Variants in NCDN observed in about 807,000 individuals in gnomAD.
NCDN encodes neurochondrin.
NCDN carries 9 observed loss-of-function variants against 60.7 expected under a neutral mutation model. That is an observed-to-expected ratio of 0.15 (90% CI 0.09 to 0.26). The LOEUF is 0.26. Among genes scored for constraint, NCDN ranks in the 10% least tolerant of loss-of-function variants. NCDN has a pLI of 1.00. For synonymous variants in NCDN, 409 were observed against 442.5 expected (o/e 0.92, Z 0.95); for missense variants, 578 against 975.2 (o/e 0.59, Z 5.42).
At position 35,562,269 on chromosome 1, in the gene NCDN, G is replaced by A; in HGVS notation, c.1144-123G>A. 7.1e-7 allele frequency: 1 copy of A among 1,403,214 alleles called. No homozygotes were observed. Among genetic ancestry groups the A allele is most frequent in the African/African-American group, 1.4e-5 (1 of 69,726 alleles). The allele number at this position is 1,403,214 out of a possible 1,614,324, so 86.9% of individuals were successfully genotyped here. A position where few individuals can be genotyped will look rare whatever the true frequency, so the allele number is the denominator to read the frequency against. ...TGGGACAGAATAAAGGTTGGGGCCT[G>A]CCTTTGAAAGGCTCACAGGCCAGAA... On this transcript the variant is annotated intron_variant, in intron 3 of 6. Transcript: ENST00000373243. This position sits in a 1 kb window ranked among gnomAD's most constrained non-coding sequence, Gnocchi z 6.8.
Position 35,559,211 on chromosome 1 carries a change from C to T in NCDN, c.138C>T (p.Ala46=). The change falls in exon 2 of 7, where the codon GCC becomes GCT. Residue 46 remains alanine, a synonymous_variant. Transcript: ENST00000373243. ...LERYLGALRE[A]KNDSEQFAAL... ...GCTACCTGGGAGCCCTCCGTGAGGCCAAGAATGACAGCGAGCAGTTTGCAG... is the reference window on the plus strand; with the variant it reads ...GCTACCTGGGAGCCCTCCGTGAGGCTAAGAATGACAGCGAGCAGTTTGCAG... 6.2e-7 allele frequency: 1 copy of T among 1,614,074 alleles called. No individual in the cohort carries two copies.
Position 35,558,996 on chromosome 1 carries a change from C to T in NCDN, c.34-111C>T, listed in dbSNP as rs1648560944. The T allele has an allele frequency of 9.4e-7, 1 of 1,061,824 alleles. No homozygotes were observed. Among genetic ancestry groups the T allele is most frequent in the South Asian group, 1.5e-5 (1 of 66,670 alleles). 65.8% of individuals were successfully genotyped at this position (1,061,824 alleles called of 1,614,324 possible). On this transcript the variant is annotated intron_variant, in intron 1 of 6. Coordinates refer to ENST00000373243, the MANE Select transcript of NCDN (RefSeq NM_014284.3). This position sits in a 1 kb window ranked among gnomAD's most constrained non-coding sequence, Gnocchi z 6.3. ...AGGAGTCCACCCCTCCAGATTCTCTCCTCCCCTCCCTCTGTGCTAATCCCT... is the reference window on the plus strand; with the variant it reads ...AGGAGTCCACCCCTCCAGATTCTCTTCTCCCCTCCCTCTGTGCTAATCCCT...
rs1245808782 is a variant in NCDN, at chr1:35,562,000, A to C, written c.1144-392A>C. Among the ~76,000 whole-genome samples the C allele has an allele frequency of 1.3e-5, 2 of 152,044 alleles. No individual in the cohort carries two copies. The highest frequency in any genetic ancestry group is 2.9e-5 in the Non-Finnish European group (2 of 67,996). On this transcript the variant is annotated intron_variant, in intron 3 of 6. Transcript: ENST00000373243. This position sits in a 1 kb window ranked among gnomAD's most constrained non-coding sequence, Gnocchi z 4.9. ...ACAGTAGCCAGGAACCTGCCCTCCC[A>C]CCCCAGGTCAGAGCTGCTGTAAAGG...
chr1:35,563,719 T>C lies in NCDN; in HGVS notation c.1611-48T>C. On this transcript the variant is annotated intron_variant, in intron 5 of 6. Transcript: ENST00000373243. This position sits in a 1 kb window ranked among gnomAD's most constrained non-coding sequence, Gnocchi z 6.6. Reference sequence around the variant, plus strand: ...TTTCTTGCCAAGGGCTTGATTTGGCTGTACTAGACCCCCACCTACCTCCAT... The same window carrying C: ...TTTCTTGCCAAGGGCTTGATTTGGCCGTACTAGACCCCCACCTACCTCCAT... 2 of 1,598,064 alleles carry C rather than the reference T, an allele frequency of 1.3e-6. No individual in the cohort carries two copies. Among genetic ancestry groups the C allele is most frequent in the Non-Finnish European group, 1.7e-6 (2 of 1,171,026 alleles).
chr1:35,566,667 ACACACACACACACT>A lies in NCDN; in HGVS notation c.*1006_*1019del. The A allele has an allele frequency of 7.2e-6, 3 of 415,878 alleles. No homozygotes were observed. Among genetic ancestry groups the A allele is most frequent in the Non-Finnish European group, 1.5e-5 (3 of 206,746 alleles). 25.8% of individuals were successfully genotyped at this position (415,878 alleles called of 1,614,324 possible). A position where few individuals can be genotyped will look rare whatever the true frequency, so the allele number is the denominator to read the frequency against. ...CACACACACACACACACACACACAC[ACACACACACACACT>A]CTTGATCCCTTGCTTCCCTCCCCCA... On this transcript the variant is annotated 3_prime_UTR_variant, in exon 7 of 7. Coordinates refer to ENST00000373243, the MANE Select transcript of NCDN (RefSeq NM_014284.3). The surrounding 1 kb of genome is among the most constrained non-coding windows in gnomAD (Gnocchi z 5.3).
Position 35,561,167 on chromosome 1 carries a change from C to T in NCDN, c.1016C>T (p.Ala339Val). Reference protein sequence around the residue: ...VKEDVVTACYALMELGIQECT... With the variant: ...VKEDVVTACYVLMELGIQECT... ...GAGGATGTGGTGACCGCCTGCTATG[C>T]CCTCATGGAGTTGGGGATCCAGGAA... The change falls in exon 3 of 7, where the codon GCC (alanine) becomes GTC (valine). Residue 339 changes from alanine (A) to valine (V), a missense_variant. By Grantham distance (64) the Ala-to-Val change is moderately conservative. Coordinates refer to ENST00000373243, the MANE Select transcript of NCDN (RefSeq NM_014284.3). This position sits in a 1 kb window ranked among gnomAD's most constrained non-coding sequence, Gnocchi z 4.9. The T allele has an allele frequency of 6.2e-7, 1 of 1,607,792 alleles. No homozygotes were observed. The highest frequency in any genetic ancestry group is 8.5e-7 in the Non-Finnish European group (1 of 1,177,220).
At position 35,565,675 on chromosome 1, in the gene NCDN, C is replaced by T. The variant is rs1396850927; in HGVS notation, c.*12C>T. On this transcript the variant is annotated 3_prime_UTR_variant, in exon 7 of 7. Coordinates refer to ENST00000373243, the MANE Select transcript of NCDN (RefSeq NM_014284.3). This position sits in a 1 kb window ranked among gnomAD's most constrained non-coding sequence, Gnocchi z 8.9. ...TGTCAGAGCCCTGAGGGGTGTCCAC[C>T]GGGGACAGACCCAGGGGCGGGCAGA... The T allele has an allele frequency of 2.6e-6, 4 of 1,538,198 alleles. No homozygotes were observed. The highest frequency in any genetic ancestry group is 1.9e-5 in the Admixed American group (1 of 51,632).
Position 35,558,466 on chromosome 1 carries a change from G to T in NCDN, c.33+243G>T. On this transcript the variant is annotated intron_variant, in intron 1 of 6. Coordinates refer to ENST00000373243, the MANE Select transcript of NCDN (RefSeq NM_014284.3). This position sits in a 1 kb window ranked among gnomAD's most constrained non-coding sequence, Gnocchi z 6.3. Reference sequence around the variant, plus strand: ...TGCTGCTGCTGCAGCCTCTACCCGAGGGAGGGAAAGGAGAGGAGGCAAGGA... The same window carrying T: ...TGCTGCTGCTGCAGCCTCTACCCGATGGAGGGAAAGGAGAGGAGGCAAGGA... The T allele has an allele frequency of 7.0e-7, 1 of 1,421,004 alleles. No homozygotes were observed. Among genetic ancestry groups the T allele is most frequent in the Non-Finnish European group, 9.2e-7 (1 of 1,091,360 alleles). 88.0% of individuals were successfully genotyped at this position (1,421,004 alleles called of 1,614,324 possible). A position where few individuals can be genotyped will look rare whatever the true frequency, so the allele number is the denominator to read the frequency against.
Position 35,563,936 on chromosome 1 carries a change from G to A in NCDN, c.1753+27G>A. 6.2e-7 allele frequency: 1 copy of A among 1,601,628 alleles called. No individual in the cohort carries two copies. Among genetic ancestry groups the A allele is most frequent in the Non-Finnish European group, 8.5e-7 (1 of 1,174,204 alleles). On this transcript the variant is annotated intron_variant, in intron 6 of 6. Coordinates refer to ENST00000373243, the MANE Select transcript of NCDN (RefSeq NM_014284.3). This position sits in a 1 kb window ranked among gnomAD's most constrained non-coding sequence, Gnocchi z 6.6. Reference sequence around the variant, plus strand: ...TAAGAACTGGGGATCCAGTCCTGATGGGTGAGGACAGAAGACCTGGGTGGA... The same window carrying A: ...TAAGAACTGGGGATCCAGTCCTGATAGGTGAGGACAGAAGACCTGGGTGGA...
In NCDN at chr1:35,565,948, C is replaced by T. The variant is rs999162226; in HGVS notation, c.*285C>T. The T allele has an allele frequency of 4.8e-6, 2 of 420,570 alleles. No individual in the cohort carries two copies. The highest frequency in any genetic ancestry group is 8.7e-6 in the Non-Finnish European group (2 of 231,162). 26.1% of individuals were successfully genotyped at this position (420,570 alleles called of 1,614,324 possible). A position where few individuals can be genotyped will look rare whatever the true frequency, so the allele number is the denominator to read the frequency against. On this transcript the variant is annotated 3_prime_UTR_variant, in exon 7 of 7. Transcript: ENST00000373243. The surrounding 1 kb of genome is among the most constrained non-coding windows in gnomAD (Gnocchi z 8.9). ...GGAGCAGCCCCCAGGGAGGGGGGCA[C>T]TAGGTGTCATTGTGCCCGATGTCTG...
rs1319869402 is a variant in NCDN at position 35,560,660 on chromosome 1, G to A, written c.509G>A (p.Arg170Gln). ...TAVAGTPRGPRHLIAGGTVSA... is the reference protein window; with the variant it reads ...TAVAGTPRGPQHLIAGGTVSA... ...GTAGCAGGCACACCCAGAGGGCCTC[G>A]GCACCTCATTGCTGGTGGCACCGTG... Residue 170 changes from arginine (R) to glutamine (Q), a missense_variant, in exon 3 of 7, where the codon CGG becomes CAG. Arg to Gln is a conservative substitution (Grantham distance 43). Around this residue, in one of 3 missense-constraint regions of NCDN, gnomAD observed 363 missense variants for 583.6 expected, o/e 0.62. Transcript: ENST00000373243. This position sits in a 1 kb window ranked among gnomAD's most constrained non-coding sequence, Gnocchi z 7.6. 1.9e-6 allele frequency: 3 copies of A among 1,613,298 alleles called. No individual in the cohort carries two copies. Among genetic ancestry groups the A allele is most frequent in the African/African-American group, 1.3e-5 (1 of 75,060 alleles).
chr1:35,565,704 G>T lies in NCDN; in HGVS notation c.*41G>T. The T allele has an allele frequency of 6.7e-7, 1 of 1,501,946 alleles. No homozygotes were observed. The highest frequency in any genetic ancestry group is 1.2e-5 in the South Asian group (1 of 80,752). The allele number at this position is 1,501,946 out of a possible 1,614,324, so 93.0% of individuals were successfully genotyped here. On this transcript the variant is annotated 3_prime_UTR_variant, in exon 7 of 7. Coordinates refer to ENST00000373243, the MANE Select transcript of NCDN (RefSeq NM_014284.3). The surrounding 1 kb of genome is among the most constrained non-coding windows in gnomAD (Gnocchi z 8.9). ...GACAGACCCAGGGGCGGGCAGAGAG[G>T]GAAGGAGGGAGGAGGCATCTTCCCT... is the stretch of plus-strand genomic sequence containing the variant.
Position 35,560,518 on chromosome 1 carries a change from C to T in NCDN, c.367C>T (p.His123Tyr). Residue 123 changes from histidine to tyrosine, a missense_variant, in exon 3 of 7, where the codon CAT (histidine) becomes TAT (tyrosine). Physicochemically the swap from His to Tyr is moderately conservative, Grantham distance 83. This residue lies in a region of NCDN where 363 missense variants were observed against 583.6 expected (regional missense o/e 0.62). Coordinates refer to ENST00000373243, the MANE Select transcript of NCDN (RefSeq NM_014284.3). This position sits in a 1 kb window ranked among gnomAD's most constrained non-coding sequence, Gnocchi z 7.6. ...CFCSDPELAA[H>Y]PQVLNKIPIL... Reference sequence around the variant, plus strand: ...CTGCAGTGACCCTGAACTGGCCGCCCATCCCCAAGTCCTGAACAAGATTCC... The same window carrying T: ...CTGCAGTGACCCTGAACTGGCCGCCTATCCCCAAGTCCTGAACAAGATTCC... 6.2e-7 allele frequency: 1 copy of T among 1,613,998 alleles called. No individual in the cohort carries two copies. Among genetic ancestry groups the T allele is most frequent in the Non-Finnish European group, 8.5e-7 (1 of 1,180,048 alleles).
rs144588804 is a variant in NCDN at position 35,560,939 on chromosome 1, C to G, written c.788C>G (p.Ala263Gly). ...CCTGAATGCTACCGGGATCTGCAGGCCGGGCTGGCACGCATCCTGGGAAGC... is the reference window on the plus strand; with the variant it reads ...CCTGAATGCTACCGGGATCTGCAGGGCGGGCTGGCACGCATCCTGGGAAGC... ...VPPECYRDLQ[A>G]GLARILGSKL... The change falls in exon 3 of 7, where the codon GCC becomes GGC. Residue 263 changes from alanine (A) to glycine (G), a missense_variant. Transcript: ENST00000373243. This position sits in a 1 kb window ranked among gnomAD's most constrained non-coding sequence, Gnocchi z 7.6. 1 of 1,613,428 alleles carries G rather than the reference C, an allele frequency of 6.2e-7. No individual in the cohort carries two copies. Among genetic ancestry groups the G allele is most frequent in the South Asian group, 1.1e-5 (1 of 91,066 alleles).
rs1648560254 is a variant in NCDN at position 35,558,989 on chromosome 1, A to G, written c.34-118A>G. ...AGTCCTGAGGAGTCCACCCCTCCAGATTCTCTCCTCCCCTCCCTCTGTGCT... is the reference window on the plus strand; with the variant it reads ...AGTCCTGAGGAGTCCACCCCTCCAGGTTCTCTCCTCCCCTCCCTCTGTGCT... On this transcript the variant is annotated intron_variant, in intron 1 of 6. Transcript: ENST00000373243. This position sits in a 1 kb window ranked among gnomAD's most constrained non-coding sequence, Gnocchi z 6.3. 9 of 926,234 alleles carry G rather than the reference A, an allele frequency of 9.7e-6. No homozygotes were observed. The South Asian group carries it at 1.1e-4, about 11-fold the overall frequency. The allele number at this position is 926,234 out of a possible 1,614,324, so 57.4% of individuals were successfully genotyped here.
Position 35,557,866 on chromosome 1 carries a change from G to A in NCDN, c.-325G>A. The A allele has an allele frequency of 1.7e-6, 1 of 600,604 alleles. No individual in the cohort carries two copies. Among genetic ancestry groups the A allele is most frequent in the Admixed American group, 2.2e-5 (1 of 46,492 alleles). The allele number at this position is 600,604 out of a possible 1,614,324, so 37.2% of individuals were successfully genotyped here. A position where few individuals can be genotyped will look rare whatever the true frequency, so the allele number is the denominator to read the frequency against. On this transcript the variant is annotated 5_prime_UTR_variant, in exon 1 of 7. Transcript: ENST00000373243. The stretch of plus-strand genomic sequence containing the variant: ...CATCGCGCTGGGAGAAGACTTCGCC[G>A]CTCGGGGCCGCAGCCTGGTGAGCTC...
Position 35,560,971 on chromosome 1 carries a change from A to G in NCDN, c.820A>G (p.Ser274Gly). The change falls in exon 3 of 7, where the codon AGC becomes GGC. Residue 274 changes from serine to glycine, a missense_variant. Around this residue, in one of 3 missense-constraint regions of NCDN, gnomAD observed 363 missense variants for 583.6 expected, o/e 0.62. Coordinates refer to ENST00000373243, the MANE Select transcript of NCDN (RefSeq NM_014284.3). The surrounding 1 kb of genome is among the most constrained non-coding windows in gnomAD (Gnocchi z 7.6). ...GGCACGCATCCTGGGAAGCAAGCTG[A>G]GCTCCTGGCAGCGCAACCCTGCACT... is the stretch of plus-strand genomic sequence containing the variant. The part of the protein sequence containing the change: ...GLARILGSKL[S>G]SWQRNPALKL... 1 of 1,611,956 alleles carries G rather than the reference A, an allele frequency of 6.2e-7. No individual in the cohort carries two copies. The highest frequency in any genetic ancestry group is 8.5e-7 in the Non-Finnish European group (1 of 1,178,546).
chr1:35,562,722 C>T lies in NCDN; in HGVS notation c.1385+89C>T. 4 of 1,475,102 alleles carry T rather than the reference C, an allele frequency of 2.7e-6. No individual in the cohort carries two copies. Among genetic ancestry groups the T allele is most frequent in the Non-Finnish European group, 3.6e-6 (4 of 1,104,550 alleles). 91.4% of individuals were successfully genotyped at this position (1,475,102 alleles called of 1,614,324 possible). A position where few individuals can be genotyped will look rare whatever the true frequency, so the allele number is the denominator to read the frequency against. On this transcript the variant is annotated intron_variant, in intron 4 of 6. Coordinates refer to ENST00000373243, the MANE Select transcript of NCDN (RefSeq NM_014284.3). This position sits in a 1 kb window ranked among gnomAD's most constrained non-coding sequence, Gnocchi z 6.8. ...ACCCCTCCCCACAAACTGAGCTGTG[C>T]CAGGCTTCCTGATTGGGCCATGAGA... is the stretch of plus-strand genomic sequence containing the variant.
rs1190386034 is a variant in NCDN at position 35,560,218 on chromosome 1, C to G, written c.175-108C>G. ...TGGATGAAATGACCTCAGATGAGTC[C>G]TGTTGCATAACCTCATCTTGCTAGT... On this transcript the variant is annotated intron_variant, in intron 2 of 6. Transcript: ENST00000373243. The surrounding 1 kb of genome is among the most constrained non-coding windows in gnomAD (Gnocchi z 7.6). 29 of 1,394,626 alleles carry G rather than the reference C, an allele frequency of 2.1e-5. No individual in the cohort carries two copies. Among genetic ancestry groups the G allele is most frequent in the Non-Finnish European group, 2.7e-5 (28 of 1,025,302 alleles). 86.4% of individuals were successfully genotyped at this position (1,394,626 alleles called of 1,614,324 possible).
Sources: gnomAD v4.1 joint callset for allele counts (sites outside exome capture counted in the v4.1 genomes callset) on GRCh38, gnomAD v4.1.1 for gene constraint, gnomAD v4.1.1 regional missense constraint, Gnocchi (gnomAD v3.1) non-coding constraint, MANE v1.5 for transcripts, NCBI Gene and HGNC (gene_info 2026-07-23, HGNC 2026-07-21) for gene names.